Variants in SERPINB10 observed in about 807,000 individuals in gnomAD.
SERPINB10 encodes serpin B10.
A neutral mutation model predicts 39.1 loss-of-function variants in SERPINB10; 35 were observed. The ratio of observed to expected loss-of-function variants is 0.90; its 90% CI spans 0.68 to 1.19. SERPINB10 has a LOEUF of 1.19. Ranked by LOEUF, SERPINB10 falls within the 50% of genes most tolerant of loss-of-function variation. The pLI is 0.00. For synonymous variants in SERPINB10, 190 were observed against 158.1 expected (o/e 1.20, Z -1.52); for missense variants, 546 against 460.5 (o/e 1.19, Z -1.70).
intron 5 of SERPINB10, among the ~76,000 whole-genome samples, chr18:63,928,517 C>G (rs1353826897): frequency 1.3e-5 from 2 of 151,982 alleles, no homozygotes; most frequent in African/African-American, 2.4e-5. Flanking sequence ...ATTGGCACAG[C>G]CTTTCAGATG....
At chr18:63,911,553 T>C (rs1240369606) in intron 1 of SERPINB10, among the ~76,000 whole-genome samples, 1 of 152,044 alleles carries the variant, frequency 6.6e-6, no homozygotes, top group East Asian at 1.9e-4. Context: ...CAATTGCTTG[T>C]TTTTGTTTAC....
rs908383883 is a variant in SERPINB10, at chr18:63,936,012, T to G, written c.*770T>G. The G allele has an allele frequency of 3.9e-5, 6 of 152,256 alleles. No individual in the cohort carries two copies. Among genetic ancestry groups the G allele is most frequent in the Admixed American group, 6.5e-5 (1 of 15,286 alleles). The allele number at this position is 152,256 out of a possible 1,614,324, so 9.4% of individuals were successfully genotyped here. Reference sequence around the variant, plus strand: ...CGTGGTCATGTAAGATGTTATCACTTGGGGAAACTGTACTGGAGTATATGA... The same window carrying G: ...CGTGGTCATGTAAGATGTTATCACTGGGGGAAACTGTACTGGAGTATATGA... On this transcript the variant is annotated 3_prime_UTR_variant, in exon 8 of 8. Transcript: ENST00000238508.
At position 63,935,122 on chromosome 18, in the gene SERPINB10, G is replaced by C. The variant is rs756605018; in HGVS notation, c.1074G>C (p.Glu358Asp). The C allele has an allele frequency of 1.2e-6, 2 of 1,613,786 alleles. No homozygotes were observed. The highest frequency in any genetic ancestry group is 4.5e-5 in the East Asian group (2 of 44,888). ...AAGCTGCAGCTGGCAGTGGGAGTGA[G>C]ATAGATATACGAATTAGAGTCCCAT... ...GTEAAAGSGSEIDIRIRVPSI... is the reference protein window; with the variant it reads ...GTEAAAGSGSDIDIRIRVPSI... The change falls in exon 8 of 8, where the codon GAG becomes GAC. Residue 358 changes from glutamate (E) to aspartate (D), a missense_variant. Physicochemically the swap from Glu to Asp is conservative, Grantham distance 45 (BLOSUM62 2). Transcript: ENST00000238508.
intron 1 of SERPINB10, among the ~76,000 whole-genome samples, chr18:63,909,531 T>A (rs1168655926): frequency 6.6e-6 from 1 of 152,058 alleles, no homozygotes; most frequent in Admixed American, 6.6e-5. Flanking sequence ...AGGGAATTAA[T>A]GAAGATGAGT....
At chr18:63,927,842 T>G (rs553120294) in intron 5 of SERPINB10, among the ~76,000 whole-genome samples, 22 of 152,228 alleles carry the variant, frequency 1.4e-4, no homozygotes, top group Middle Eastern at 3.4e-3. Context: ...GAAATGGGTT[T>G]ACGGATGGGA....
chr18:63,915,460 A>G (rs1357578656), intron 1 of SERPINB10, 42 bp from the exon 2 acceptor site: 1 of 1,398,534 alleles, frequency 7.2e-7, no homozygotes, highest in East Asian at 2.3e-5. Flanking sequence ...AAGTGGAAAT[A>G]AATATTAATA....
At chr18:63,917,813 C>T (rs78516758) in intron 3 of SERPINB10, 152 bp from the exon 4 acceptor site, 16,191 of 684,528 alleles carry the variant, frequency 0.024, 245 homozygotes, top group Middle Eastern at 0.038. Flanking sequence ...CATTCTTTTG[C>T]ACTAACACTA....
chr18:63,923,632 T>C (rs2050161219), intron 5 of SERPINB10, among the ~76,000 whole-genome samples: 1 of 151,888 alleles, frequency 6.6e-6, no homozygotes, highest in Admixed American at 6.6e-5. Context: ...TTATTTACTT[T>C]ATAACTTTGC....
At chr18:63,933,634 A>G (rs2050240184) in intron 7 of SERPINB10, among the ~76,000 whole-genome samples, 1 of 152,244 alleles carries the variant, frequency 6.6e-6, no homozygotes, top group African/African-American at 2.4e-5. Flanking sequence ...ACACACACGT[A>G]CGCAGACATC....
intron 5 of SERPINB10, among the ~76,000 whole-genome samples, chr18:63,927,089 T>G (rs2050186915): frequency 6.6e-6 from 1 of 151,988 alleles, no homozygotes; most frequent in Non-Finnish European, 1.5e-5. Context: ...TTATATAATA[T>G]CTCATCTAAT....
At chr18:63,926,453 C>T (rs2050182303) in intron 5 of SERPINB10, among the ~76,000 whole-genome samples, 1 of 151,994 alleles carries the variant, frequency 6.6e-6, no homozygotes, top group African/African-American at 2.4e-5. Context: ...AATAAGGTCA[C>T]ATTCACAGGT....
At chr18:63,910,418 A>G (rs991629136) in intron 1 of SERPINB10, among the ~76,000 whole-genome samples, 1 of 151,992 alleles carries the variant, frequency 6.6e-6, no homozygotes. Context: ...TAGTGAGCAT[A>G]GTACCCAATA....
At chr18:63,924,953 C>A (rs2050170566) in intron 5 of SERPINB10, among the ~76,000 whole-genome samples, 1 of 151,796 alleles carries the variant, frequency 6.6e-6, no homozygotes, top group South Asian at 2.1e-4. Flanking sequence ...AGTAAGTATA[C>A]TTCGACTATA....
At chr18:63,912,429 A>T (rs918842908) in intron 1 of SERPINB10, among the ~76,000 whole-genome samples, 1 of 151,992 alleles carries the variant, frequency 6.6e-6, no homozygotes, top group Non-Finnish European at 1.5e-5. Flanking sequence ...TTTGTTACAG[A>T]TAGCTCTTAT....
chr18:63,935,448 A>T lies in SERPINB10; in HGVS notation c.*206A>T. On this transcript the variant is annotated 3_prime_UTR_variant, in exon 8 of 8. Transcript: ENST00000238508. ...GAGAATGACGATTTTTATTTTTAAC[A>T]CGTTAACATTTTGTCTAATGTGACT... 2.0e-6 allele frequency: 1 copy of T among 496,786 alleles called. No homozygotes were observed. Among genetic ancestry groups the T allele is most frequent in the Non-Finnish European group, 3.5e-6 (1 of 289,744 alleles). 30.8% of individuals were successfully genotyped at this position (496,786 alleles called of 1,614,324 possible).
chr18:63,921,623 C>T (rs763270605), intron 5 of SERPINB10, among the ~76,000 whole-genome samples: 1 of 151,948 alleles, frequency 6.6e-6, no homozygotes, highest in Non-Finnish European at 1.5e-5. Context: ...CCATTTACCA[C>T]CCAAATTACC....
rs141774410 is a variant in SERPINB10, at chr18:63,926,690, A to T, written c.491-3355A>T. ...GAGAAACTGTTCCAGATTAAAGGTG[A>T]ATAAGAAGAAATTACAACTAAATGC... On this transcript the variant is annotated intron_variant, in intron 5 of 7. Coordinates refer to ENST00000238508, the MANE Select transcript of SERPINB10 (RefSeq NM_005024.3). Among the ~76,000 whole-genome samples the T allele has an allele frequency of 1.4e-3, 213 of 152,176 alleles. 2 individuals are homozygous for T. Among genetic ancestry groups the T allele is most frequent in the African/African-American group, 5.0e-3 (206 of 41,544 alleles).
In SERPINB10 at chr18:63,935,415, C is replaced by T. The variant is rs1240472192; in HGVS notation, c.*173C>T. ...TTCTAATGATCCTGTCATATCTGTACAGCTGGAGAGAATGACGATTTTTAT... is the reference window on the plus strand; with the variant it reads ...TTCTAATGATCCTGTCATATCTGTATAGCTGGAGAGAATGACGATTTTTAT... On this transcript the variant is annotated 3_prime_UTR_variant, in exon 8 of 8. Coordinates refer to ENST00000238508, the MANE Select transcript of SERPINB10 (RefSeq NM_005024.3). 1 of 604,682 alleles carries T rather than the reference C, an allele frequency of 1.7e-6. No homozygotes were observed. The highest frequency in any genetic ancestry group is 2.7e-6 in the Non-Finnish European group (1 of 369,620). The allele number at this position is 604,682 out of a possible 1,614,324, so 37.5% of individuals were successfully genotyped here.
intron 5 of SERPINB10, among the ~76,000 whole-genome samples, chr18:63,925,955 A>G (rs2050178436): frequency 6.6e-6 from 1 of 152,076 alleles, no homozygotes; most frequent in African/African-American, 2.4e-5. Context: ...ACATATGGGC[A>G]TCATGCACTT....
Sources: allele counts gnomAD v4.1 joint callset (sites outside exome capture counted in the v4.1 genomes callset), GRCh38; gene constraint gnomAD v4.1.1; transcripts MANE v1.5; gene names NCBI Gene and HGNC (gene_info 2026-07-23, HGNC 2026-07-21).